Variants in SPAG16 observed in about 807,000 individuals in gnomAD.
The protein encoded by SPAG16 is sperm-associated antigen 16 protein.
In SPAG16, 86 loss-of-function variants were observed where a neutral mutation model predicts 80.4. That is an observed-to-expected ratio of 1.07 (90% confidence interval 0.90 to 1.28). The LOEUF (loss-of-function observed/expected upper bound fraction) is 1.28, where lower values mean the gene tolerates loss of function less well. SPAG16 is among the 50% of genes most tolerant of loss of function. SPAG16 has a pLI of 0.00. For missense variants in SPAG16, 870 were observed against 765.3 expected, an observed-to-expected ratio of 1.14 and a Z score of -1.61; for synonymous variants, 294 against 265.9, an observed-to-expected ratio of 1.11 and a Z score of -1.03.
chr2:213,355,889 TG>T lies in SPAG16; in HGVS notation c.762+5245del, dbSNP rs1487414456. Among the ~76,000 whole-genome samples, 42 of 152,204 alleles carry T rather than the reference TG, an allele frequency of 2.8e-4. 1 individual carries two copies. Among genetic ancestry groups the T allele is most frequent in the Non-Finnish European group, 4.4e-5 (3 of 68,040 alleles). On this transcript the variant is annotated intron_variant, in intron 7 of 15. Coordinates refer to ENST00000331683, the MANE Select transcript of SPAG16 (RefSeq NM_024532.5). The stretch of plus-strand genomic sequence containing the variant: ...CTTGCCTGATTGCCCTGGCCAGAAC[TG>T]CCAACTTCCAACTATGTTGAATTGG...
intron 14 of SPAG16, among the ~76,000 whole-genome samples, chr2:214,113,924 A>C (rs6758438): frequency 0.25 from 38,745 of 152,036 alleles, 5,211 homozygotes; most frequent in East Asian, 0.45. Context: ...TAGAATTTTC[A>C]GCTTTTCTGC....
chr2:213,640,494 G>T (rs111605591), intron 10 of SPAG16, among the ~76,000 whole-genome samples: 8,800 of 152,134 alleles, frequency 0.058, 841 homozygotes, highest in African/African-American at 0.2. Flanking sequence ...CTGAGAGCTG[G>T]ACTGCCGTGA....
At chr2:213,634,652 C>T (rs964064439) in intron 10 of SPAG16, among the ~76,000 whole-genome samples, 4 of 152,060 alleles carry the variant, frequency 2.6e-5, no homozygotes, top group African/African-American at 7.2e-5. Context: ...TATTTGGTTA[C>T]ATGGATAAGT....
At chr2:214,155,765 A>G (rs1294231373) in intron 15 of SPAG16, among the ~76,000 whole-genome samples, 3 of 152,148 alleles carry the variant, frequency 2.0e-5, no homozygotes, top group Admixed American at 6.5e-5. Flanking sequence ...GTCCTACACT[A>G]AAGTCTTTTG....
intron 12 of SPAG16, among the ~76,000 whole-genome samples, chr2:213,939,790 A>C (rs549393224): frequency 6.6e-6 from 1 of 152,210 alleles, no homozygotes. Flanking sequence ...AGCAAGAATC[A>C]ATATAAAATG....
intron 15 of SPAG16, among the ~76,000 whole-genome samples, chr2:214,376,837 GAC>G (rs1220894698): frequency 1.3e-5 from 2 of 152,172 alleles, no homozygotes; most frequent in Non-Finnish European, 2.9e-5. Flanking sequence ...ATGACTGAAT[GAC>G]ACAGTTTCAC....
intron 10 of SPAG16, among the ~76,000 whole-genome samples, chr2:213,847,504 C>G (rs926481092): frequency 6.6e-6 from 1 of 152,046 alleles, no homozygotes; most frequent in African/African-American, 2.4e-5. Flanking sequence ...TTGAAACAAC[C>G]AGATCTCATG....
intron 9 of SPAG16, among the ~76,000 whole-genome samples, chr2:213,450,102 T>A (rs908773014): frequency 6.6e-6 from 1 of 152,156 alleles, no homozygotes; most frequent in African/African-American, 2.4e-5. Flanking sequence ...GTCAGGAGTT[T>A]GAGACCAGCC....
intron 9 of SPAG16, among the ~76,000 whole-genome samples, chr2:213,457,104 A>G (rs938636308): frequency 1.3e-5 from 2 of 152,044 alleles, no homozygotes; most frequent in South Asian, 4.1e-4. Flanking sequence ...CCCAGAAATC[A>G]TGCCTTATGA....
chr2:214,257,661 G>A (rs1377847754), intron 15 of SPAG16, among the ~76,000 whole-genome samples: 4 of 151,990 alleles, frequency 2.6e-5, no homozygotes, highest in Admixed American at 2.6e-4. Flanking sequence ...AGCCAATCTT[G>A]AGCTTTTGTA....
chr2:213,678,387 A>G (rs901040472), intron 10 of SPAG16, among the ~76,000 whole-genome samples: 1 of 152,194 alleles, frequency 6.6e-6, no homozygotes, highest in Non-Finnish European at 1.5e-5. Context: ...CTAATAAGGA[A>G]AAAAAGAGAG....
intron 9 of SPAG16, among the ~76,000 whole-genome samples, chr2:213,480,068 G>A (rs1246877472): frequency 1.3e-5 from 2 of 152,296 alleles, no homozygotes; most frequent in Middle Eastern, 3.4e-3. Context: ...AAGAAGTATG[G>A]AAGCATGCAT....
chr2:213,504,254 G>C (rs1029229381), intron 10 of SPAG16, among the ~76,000 whole-genome samples: 6 of 152,094 alleles, frequency 3.9e-5, no homozygotes, highest in Non-Finnish European at 7.4e-5. Context: ...AGTGTGTAGA[G>C]AGGGAAGGAA....
intron 10 of SPAG16, among the ~76,000 whole-genome samples, chr2:213,793,026 A>G (rs1260531386): frequency 2.0e-5 from 3 of 151,906 alleles, no homozygotes; most frequent in Non-Finnish European, 4.4e-5. Context: ...TCCTGGGTTC[A>G]AGCGATTCTC....
intron 9 of SPAG16, among the ~76,000 whole-genome samples, chr2:213,481,187 A>G (rs2073731359): frequency 6.6e-6 from 1 of 152,172 alleles, no homozygotes; most frequent in African/African-American, 2.4e-5. Flanking sequence ...TTAAATAAAA[A>G]TTATGTTGAG....
At chr2:214,298,531 C>T (rs1212694125) in intron 15 of SPAG16, among the ~76,000 whole-genome samples, 1 of 152,056 alleles carries the variant, frequency 6.6e-6, no homozygotes, top group Admixed American at 6.6e-5. Flanking sequence ...ACAGAAAATT[C>T]ACTATCTTGT....
chr2:213,793,873 C>T (rs772933077), intron 10 of SPAG16, among the ~76,000 whole-genome samples: 3 of 151,986 alleles, frequency 2.0e-5, no homozygotes, highest in South Asian at 2.1e-4. Flanking sequence ...ATTAATGGGC[C>T]GTGCATAAAT....
chr2:213,957,584 T>C (rs2044215291), intron 12 of SPAG16, among the ~76,000 whole-genome samples: 1 of 152,180 alleles, frequency 6.6e-6, no homozygotes, highest in Non-Finnish European at 1.5e-5. Context: ...GTTTAATCCA[T>C]TTAATTTAAA....
intron 14 of SPAG16, among the ~76,000 whole-genome samples, chr2:214,130,526 C>T (rs2054713961): frequency 6.6e-6 from 1 of 152,172 alleles, no homozygotes; most frequent in East Asian, 1.9e-4. Flanking sequence ...AAATTTAACA[C>T]CACTCGCTCT....
Sources: gnomAD v4.1 joint callset for allele counts (sites outside exome capture counted in the v4.1 genomes callset) on GRCh38, gnomAD v4.1.1 for gene constraint, MANE v1.5 for transcripts, NCBI Gene and HGNC (gene_info 2026-07-23, HGNC 2026-07-21) for gene names.